The following PAK5 variants were observed in gnomAD, a reference collection of about 807,000 sequenced individuals.
The protein encoded by PAK5 is p21 (RAC1) activated kinase 5, also known as serine/threonine-protein kinase PAK 5.
In PAK5, 16 loss-of-function variants were observed where a neutral mutation model predicts 65.9. That is an observed-to-expected ratio of 0.24 (90% CI 0.16 to 0.37). The LOEUF is 0.37. Ranked by LOEUF, PAK5 falls within the 10% of genes least tolerant of loss-of-function variation. The probability of loss-of-function intolerance (pLI) is 1.00; values close to 1 mark genes in which losing one functional copy is unlikely to be tolerated. For synonymous variants in PAK5, 371 were observed against 354.9 expected, an observed-to-expected ratio of 1.05 and a Z score of -0.51; for missense variants, 785 against 903.9, an observed-to-expected ratio of 0.87 and a Z score of 1.69.
At chr20:9,605,712 C>T (rs1225665294) in intron 3 of PAK5, among the ~76,000 whole-genome samples, 2 of 152,110 alleles carry the variant, frequency 1.3e-5, no homozygotes, top group Admixed American at 6.5e-5. Flanking sequence ...GCGGATCACT[C>T]GAGACCAGGA....
Position 9,773,163 on chromosome 20 carries a change from C to G in PAK5, c.-161-61728G>C, listed in dbSNP as rs112747369. ...AGTACAACATGTCCCAAAGCTCATG[C>G]AAGTGTACCATCTCCACTTGAATAA... is the stretch of plus-strand genomic sequence containing the variant. On this transcript the variant is annotated intron_variant, in intron 1 of 9. Transcript: ENST00000353224. Among the ~76,000 whole-genome samples the G allele has an allele frequency of 6.4e-3, 970 of 152,262 alleles. 8 individuals are homozygous for G. Among genetic ancestry groups the G allele is most frequent in the South Asian group, 0.027 (130 of 4,814 alleles).
chr20:9,570,665 A>C (rs2045765299), intron 4 of PAK5, among the ~76,000 whole-genome samples: 1 of 152,178 alleles, frequency 6.6e-6, no homozygotes, highest in East Asian at 1.9e-4. Flanking sequence ...TTATTTCTGA[A>C]AGTGTGTCCT....
At chr20:9,666,742 G>C (rs972523149) in intron 2 of PAK5, among the ~76,000 whole-genome samples, 3 of 152,196 alleles carry the variant, frequency 2.0e-5, no homozygotes, top group African/African-American at 7.2e-5. Flanking sequence ...ATGTGTGTTT[G>C]TATCTGTGTG....
rs1460065241 is a variant in PAK5 at position 9,537,950 on chromosome 20, A to G, written c.*1512T>C. On this transcript the variant is annotated 3_prime_UTR_variant, in exon 10 of 10. Transcript: ENST00000353224. ...TCTTAATTATGCTTAGAGCAACCAG[A>G]GCGCTATCACAAATTTAAATTCATA... The G allele has an allele frequency of 4.3e-6, 1 of 231,030 alleles. No homozygotes were observed. Among genetic ancestry groups the G allele is most frequent in the Non-Finnish European group, 8.6e-6 (1 of 116,552 alleles). The allele number at this position is 231,030 out of a possible 1,614,324, so 14.3% of individuals were successfully genotyped here. A position where few individuals can be genotyped will look rare whatever the true frequency, so the allele number is the denominator to read the frequency against.
At chr20:9,778,902 C>T (rs1291626274) in intron 1 of PAK5, among the ~76,000 whole-genome samples, 1 of 151,520 alleles carries the variant, frequency 6.6e-6, no homozygotes, top group Admixed American at 6.6e-5. Flanking sequence ...TCAGAATATC[C>T]ATTCCCATGT....
chr20:9,595,193 C>T (rs1034944028), intron 3 of PAK5, among the ~76,000 whole-genome samples: 1 of 151,768 alleles, frequency 6.6e-6, no homozygotes, highest in Non-Finnish European at 1.5e-5. Context: ...TAGGGTCATT[C>T]TTTCATTTAA....
intron 8 of PAK5, among the ~76,000 whole-genome samples, chr20:9,543,600 G>A (rs538571756): frequency 9.2e-5 from 14 of 152,124 alleles, no homozygotes; most frequent in Admixed American, 2.0e-4. Flanking sequence ...TTAGCTCACG[G>A]CCATGTCTTC....
Position 9,539,505 on chromosome 20 carries a change from G to A in PAK5, c.2117C>T (p.Pro706Leu), listed in dbSNP as rs201686986. The A allele has an allele frequency of 2.7e-5, 43 of 1,613,890 alleles. No homozygotes were observed. In the Middle Eastern group the frequency reaches 1.0e-3, roughly 37 times the overall value. The change falls in exon 10 of 10, where the codon CCG becomes CTG. Residue 706 changes from proline to leucine, a missense_variant. Transcript: ENST00000353224. Reference protein sequence around the residue: ...GHPFLKLAGPPSCIVPLMRQY... With the variant: ...GHPFLKLAGPLSCIVPLMRQY... Reference sequence around the variant, plus strand: ...TCTCATGAGGGGGACGATGCAAGACGGTGGACCTGCTAGTTTTAAGAATGG... The same window carrying A: ...TCTCATGAGGGGGACGATGCAAGACAGTGGACCTGCTAGTTTTAAGAATGG...
chr20:9,698,622 G>C (rs1383592207), intron 2 of PAK5, among the ~76,000 whole-genome samples: 1 of 152,150 alleles, frequency 6.6e-6, no homozygotes, highest in African/African-American at 2.4e-5. Flanking sequence ...ACTTTGTTAG[G>C]ATGCCTTTGG....
intron 2 of PAK5, among the ~76,000 whole-genome samples, chr20:9,701,200 A>G (rs8120907): frequency 0.34 from 51,271 of 152,030 alleles, 9,359 homozygotes; most frequent in African/African-American, 0.48. Flanking sequence ...CAGTTCCAAA[A>G]ATGAAAGTGT....
At chr20:9,613,819 G>T (rs1184283800) in intron 3 of PAK5, among the ~76,000 whole-genome samples, 1 of 152,084 alleles carries the variant, frequency 6.6e-6, no homozygotes, top group East Asian at 1.9e-4. Flanking sequence ...AAGACAGACT[G>T]GGTCCTAATC....
chr20:9,715,513 A>T (rs1453792237), intron 1 of PAK5, among the ~76,000 whole-genome samples: 1 of 152,176 alleles, frequency 6.6e-6, no homozygotes, highest in East Asian at 1.9e-4. Flanking sequence ...CTAGAACTAG[A>T]AATACCATTT....
chr20:9,828,128 C>T (rs1978418606), intron 1 of PAK5, among the ~76,000 whole-genome samples: 1 of 152,148 alleles, frequency 6.6e-6, no homozygotes, highest in Non-Finnish European at 1.5e-5. Context: ...AGCCACCGCG[C>T]CCAGCCAAGT....
At chr20:9,543,939 T>C (rs1413769162) in intron 8 of PAK5, among the ~76,000 whole-genome samples, 2 of 152,044 alleles carry the variant, frequency 1.3e-5, no homozygotes, top group Admixed American at 6.6e-5. Flanking sequence ...ATGTAAACTG[T>C]GTTGAAAACA....
At chr20:9,706,289 T>C (rs1291232080) in intron 2 of PAK5, among the ~76,000 whole-genome samples, 2 of 152,124 alleles carry the variant, frequency 1.3e-5, no homozygotes, top group Admixed American at 6.5e-5. Flanking sequence ...AGTTGTCCCA[T>C]AGAAAGAGTT....
chr20:9,646,630 T>C (rs2047138373), intron 2 of PAK5, among the ~76,000 whole-genome samples: 1 of 152,230 alleles, frequency 6.6e-6, no homozygotes, highest in Admixed American at 6.5e-5. Flanking sequence ...TTCTTCCTGG[T>C]ATCCATGCCT....
intron 2 of PAK5, among the ~76,000 whole-genome samples, chr20:9,689,322 T>G (rs925914240): frequency 6.6e-6 from 1 of 152,206 alleles, no homozygotes; most frequent in Middle Eastern, 3.2e-3. Flanking sequence ...CCTTTCATTC[T>G]GTGGCCAGCC....
At chr20:9,629,491 A>G (rs1370299807) in intron 3 of PAK5, among the ~76,000 whole-genome samples, 1 of 142,130 alleles carries the variant, frequency 7.0e-6, no homozygotes, top group African/African-American at 2.6e-5. Flanking sequence ...TTTTTTTTGA[A>G]ATATTTAAAA....
chr20:9,834,328 G>C (rs1004861378), intron 1 of PAK5, among the ~76,000 whole-genome samples: 7 of 152,018 alleles, frequency 4.6e-5, no homozygotes, highest in African/African-American at 9.7e-5. Flanking sequence ...CTACAAAAAG[G>C]GCTCTGAATG....
Sources: allele counts gnomAD v4.1 joint callset (sites outside exome capture counted in the v4.1 genomes callset), GRCh38; gene constraint gnomAD v4.1.1; transcripts MANE v1.5; gene names NCBI Gene and HGNC (gene_info 2026-07-23, HGNC 2026-07-21).